The following AP3B1 variants were observed in gnomAD, a reference collection of about 807,000 sequenced individuals.
AP3B1 encodes the protein adaptor related protein complex 3 subunit beta 1.
In AP3B1, 61 loss-of-function variants were observed where a neutral mutation model predicts 132.5. That is an observed-to-expected ratio of 0.46 (90% confidence interval 0.37 to 0.57). The LOEUF is 0.57. AP3B1 is among the 20% of genes least tolerant of loss of function. The pLI, the probability that AP3B1 is intolerant of heterozygous loss-of-function variation, is 0.00. For missense variants in AP3B1, 1,120 were observed against 1,289.4 expected (o/e 0.87, Z 2.01); for synonymous variants, 388 against 438.3 (o/e 0.89, Z 1.43).
intron 22 of AP3B1, among the ~76,000 whole-genome samples, chr5:78,088,013 T>A (rs977483652): frequency 8.5e-5 from 13 of 152,310 alleles, no homozygotes; most frequent in African/African-American, 3.1e-4. Flanking sequence ...CACATAGCTA[T>A]TAAGTGGCAA....
intron 26 of AP3B1, among the ~76,000 whole-genome samples, chr5:78,007,156 C>T (rs1185707061): frequency 6.6e-6 from 1 of 152,162 alleles, no homozygotes; most frequent in Non-Finnish European, 1.5e-5. Context: ...GAAAAGAAAT[C>T]CTATAATTCA....
intron 7 of AP3B1, among the ~76,000 whole-genome samples, chr5:78,193,347 T>C (rs184536321): frequency 1.3e-5 from 2 of 152,212 alleles, no homozygotes; most frequent in Admixed American, 1.3e-4. Flanking sequence ...GTTAACTATA[T>C]GATGAAATGA....
chr5:78,078,584 C>A (rs1396999378), intron 22 of AP3B1, among the ~76,000 whole-genome samples: 1 of 152,176 alleles, frequency 6.6e-6, no homozygotes, highest in Non-Finnish European at 1.5e-5. Flanking sequence ...TACGCATCTC[C>A]TCTTCTTCCC....
In AP3B1 at chr5:78,263,735, G is replaced by A. The variant is rs549991449; in HGVS notation, c.204+3785C>T. 5.9e-5 allele frequency among the ~76,000 whole-genome samples: 9 copies of A among 152,186 alleles called. No homozygotes were observed. The South Asian group carries it at 1.2e-3, about 21-fold the overall frequency. On this transcript the variant is annotated intron_variant, in intron 2 of 26. Transcript: ENST00000255194. ...ATTAAATTTTGTCAAATCTTTCTCC[G>A]AATAAATTGAGATGATTGTGAGGGA... is the stretch of plus-strand genomic sequence containing the variant.
At chr5:78,004,317 C>T (rs960648740) in intron 26 of AP3B1, among the ~76,000 whole-genome samples, 33 of 152,138 alleles carry the variant, frequency 2.2e-4, no homozygotes, top group South Asian at 6.2e-4. Context: ...GCATGGGCCT[C>T]GCACAGAGCC....
chr5:78,077,214 GAGCCT>G (rs1749803021), intron 22 of AP3B1, among the ~76,000 whole-genome samples: 1 of 152,130 alleles, frequency 6.6e-6, no homozygotes, highest in African/African-American at 2.4e-5. Flanking sequence ...TTTTCTTAAT[GAGCCT>G]TCCTGTACTG....
chr5:78,144,853 A>T (rs1431946010), intron 14 of AP3B1, among the ~76,000 whole-genome samples: 1 of 125,718 alleles, frequency 8.0e-6, no homozygotes, highest in East Asian at 2.1e-4. Context: ...TGTTTTTTAA[A>T]GACAGGGTCT....
chr5:78,241,877 G>C (rs1309329960), intron 2 of AP3B1, among the ~76,000 whole-genome samples: 1 of 152,080 alleles, frequency 6.6e-6, no homozygotes, highest in East Asian at 1.9e-4. Context: ...TATTTCCACA[G>C]TTCTCCTAGA....
In AP3B1 at chr5:78,096,271, C is replaced by T. The variant is rs538963739; in HGVS notation, c.2470+4682G>A. Among the ~76,000 whole-genome samples the T allele has an allele frequency of 8.0e-4, 122 of 152,354 alleles. 1 individual carries two copies. Among genetic ancestry groups the T allele is most frequent in the Middle Eastern group, 6.8e-3 (2 of 294 alleles). On this transcript the variant is annotated intron_variant, in intron 21 of 26. Transcript: ENST00000255194. The stretch of plus-strand genomic sequence containing the variant: ...CGAGTGATCCGCCAGCCTTGGCCTC[C>T]AGAGGTGCCGGGATTGCAGACAGTG...
chr5:78,011,285 A>G (rs1043571751), intron 26 of AP3B1, among the ~76,000 whole-genome samples: 7 of 151,952 alleles, frequency 4.6e-5, no homozygotes, highest in Admixed American at 1.3e-4. Flanking sequence ...ACCTCAAGTG[A>G]TCTGCCTGCC....
At chr5:78,262,452 A>T (rs563790760) in intron 2 of AP3B1, among the ~76,000 whole-genome samples, 9 of 152,298 alleles carry the variant, frequency 5.9e-5, no homozygotes, top group African/African-American at 2.2e-4. Flanking sequence ...TATATATATA[A>T]TCCAGTTTCC....
chr5:78,165,484 AGTT>A lies in AP3B1; in HGVS notation c.1230+123_1230+125del, dbSNP rs55768099. The A allele has an allele frequency of 0.18, 125,123 of 676,712 alleles. 12,399 individuals carry two copies. The highest frequency in any genetic ancestry group is 0.22 in the Non-Finnish European group (86,247 of 385,498). 41.9% of individuals were successfully genotyped at this position (676,712 alleles called of 1,614,324 possible). ...ATTCTTGCAAATTTATGAATTTCTT[AGTT>A]GTCAGTCTTGTCCCAATCACTATTT... is the stretch of plus-strand genomic sequence containing the variant. On this transcript the variant is annotated intron_variant, in intron 12 of 26. Transcript: ENST00000255194.
chr5:78,006,877 A>T (rs1746419531), intron 26 of AP3B1, among the ~76,000 whole-genome samples: 1 of 152,214 alleles, frequency 6.6e-6, no homozygotes, highest in Non-Finnish European at 1.5e-5. Context: ...TTGACATTTA[A>T]TCTTTGAAGC....
intron 2 of AP3B1, among the ~76,000 whole-genome samples, chr5:78,264,177 T>C (rs892603269): frequency 6.6e-6 from 1 of 152,208 alleles, no homozygotes; most frequent in African/African-American, 2.4e-5. Flanking sequence ...TGCATGACTG[T>C]ATTGAATAAT....
chr5:78,006,857 T>A (rs1441492217), intron 26 of AP3B1, among the ~76,000 whole-genome samples: 1 of 152,224 alleles, frequency 6.6e-6, no homozygotes, highest in African/African-American at 2.4e-5. Flanking sequence ...TTGTCTATTA[T>A]CTCCAGCAAT....
chr5:78,071,776 T>C (rs538902555), intron 22 of AP3B1, among the ~76,000 whole-genome samples: 2 of 152,240 alleles, frequency 1.3e-5, no homozygotes, highest in South Asian at 4.1e-4. Context: ...TATTATTACA[T>C]CTATATTTCT....
At chr5:78,178,083 C>T (rs140211859) in intron 8 of AP3B1, among the ~76,000 whole-genome samples, 5 of 152,258 alleles carry the variant, frequency 3.3e-5, no homozygotes, top group African/African-American at 7.2e-5. Flanking sequence ...TCAAGACACT[C>T]GAAATTCCAT....
Position 78,294,594 on chromosome 5 carries a change from C to T in AP3B1, c.-15G>A, listed in dbSNP as rs559351000. 1.6e-5 allele frequency: 26 copies of T among 1,613,892 alleles called. No individual in the cohort carries two copies. In the South Asian group the frequency reaches 2.2e-4, roughly 14 times the overall value. ...TTGCTGGACATTGCCGCGGTGCTGG[C>T]GGGTGCGGGGTTGGTCCTGCCGGGG... is the stretch of plus-strand genomic sequence containing the variant. On this transcript the variant is annotated 5_prime_UTR_variant, in exon 1 of 27. Transcript: ENST00000255194.
chr5:78,039,980 A>G (rs1486156002), intron 22 of AP3B1, among the ~76,000 whole-genome samples: 1 of 150,922 alleles, frequency 6.6e-6, no homozygotes, highest in African/African-American at 2.4e-5. Flanking sequence ...ACAGTTTGTC[A>G]ATTGATTTTC....
Sources: gnomAD v4.1 joint callset for allele counts (sites outside exome capture counted in the v4.1 genomes callset) on GRCh38, gnomAD v4.1.1 for gene constraint, MANE v1.5 for transcripts, NCBI Gene and HGNC (gene_info 2026-07-23, HGNC 2026-07-21) for gene names.